The following ACOT1 variants were observed in gnomAD, a reference collection of about 807,000 sequenced individuals.
ACOT1 encodes the protein acyl-coenzyme A thioesterase 1.
ACOT1 carries 8 observed loss-of-function variants against 15.7 expected under a neutral mutation model. The ratio of observed to expected loss-of-function variants is 0.51; its 90% CI spans 0.30 to 0.92. ACOT1 has a LOEUF of 0.92. ACOT1 is among the 40% of genes least tolerant of loss of function. The pLI, the probability that ACOT1 is intolerant of heterozygous loss-of-function variation, is 0.06. For synonymous variants in ACOT1, 67 were observed against 241.2 expected (o/e 0.28, Z 6.69); for missense variants, 151 against 539.4 (o/e 0.28, Z 7.13).
chr14:73,524,310 A>AAAAAAAAAT, the ACOT1 span, among the ~76,000 whole-genome samples: 48 of 54,770 alleles, frequency 8.8e-4, 1 homozygote, highest in Non-Finnish European at 1.2e-3. Context: ...AAAAAAAAAA[A>AAAAAAAAAT]ATATATATAT....
At chr14:73,494,702 CA>C in the ACOT1 span, among the ~76,000 whole-genome samples, 1 of 152,082 alleles carries the variant, frequency 6.6e-6, no homozygotes, top group African/African-American at 2.4e-5. Flanking sequence ...CAGTGTGTGC[CA>C]CCACACCCAG....
chr14:73,492,308 T>C, the ACOT1 span: 1 of 1,614,046 alleles, frequency 6.2e-7, no homozygotes, highest in Non-Finnish European at 8.5e-7. This position sits in a 1 kb window ranked among gnomAD's most constrained non-coding sequence, Gnocchi z 4.9. Context: ...CTGGGGTGAC[T>C]TCTTAGAGGC....
the ACOT1 span, chr14:73,498,362 C>T: frequency 1.9e-6 from 3 of 1,565,400 alleles, no homozygotes; most frequent in South Asian, 1.1e-5. Context: ...GATTAGAGGG[C>T]AGCATGTCAC....
the ACOT1 span, chr14:73,496,507 A>C: frequency 1.4e-6 from 1 of 740,418 alleles, no homozygotes; most frequent in Middle Eastern, 2.4e-4. Flanking sequence ...CTATGGTGGG[A>C]AAAAGGGTAT....
the ACOT1 span, among the ~76,000 whole-genome samples, chr14:73,525,592 C>T: frequency 6.6e-6 from 1 of 152,114 alleles, no homozygotes; most frequent in Non-Finnish European, 1.5e-5. Context: ...AGCAAGACGG[C>T]CAAACAGACC....
the ACOT1 span, chr14:73,491,071 C>G: frequency 1.3e-6 from 2 of 1,595,396 alleles, no homozygotes; most frequent in African/African-American, 1.4e-5. Context: ...GGCCGAAGCG[C>G]CGGCGCAAGC....
the ACOT1 span, among the ~76,000 whole-genome samples, chr14:73,508,648 C>T: frequency 2.7e-5 from 4 of 150,252 alleles, no homozygotes; most frequent in Non-Finnish European, 5.9e-5. Context: ...ACTTGGGAAG[C>T]CGAGGCAGGA....
the ACOT1 span, chr14:73,492,181 G>A: frequency 6.2e-7 from 1 of 1,613,990 alleles, no homozygotes; most frequent in Non-Finnish European, 8.5e-7. This position sits in a 1 kb window ranked among gnomAD's most constrained non-coding sequence, Gnocchi z 4.9. Context: ...CGGTGCTGCA[G>A]ACCGTGCTGG....
the ACOT1 span, chr14:73,520,614 C>A: frequency 2.4e-6 from 1 of 414,496 alleles, no homozygotes; most frequent in Admixed American, 4.0e-5. Context: ...CCCTTCATTG[C>A]CTCTTTAGTA....
At chr14:73,521,944 G>A in the ACOT1 span, among the ~76,000 whole-genome samples, 2 of 152,214 alleles carry the variant, frequency 1.3e-5, no homozygotes, top group African/African-American at 4.8e-5. Flanking sequence ...GAATGACTTT[G>A]TTCCTCTTGG....
the ACOT1 span, chr14:73,509,548 A>G: frequency 1.0e-5 from 15 of 1,497,974 alleles, no homozygotes; most frequent in South Asian, 1.5e-4. Context: ...TCCTACAGCC[A>G]TGTGGTGGCC....
At chr14:73,529,395 T>A in the ACOT1 span, among the ~76,000 whole-genome samples, 4 of 147,826 alleles carry the variant, frequency 2.7e-5, no homozygotes, top group Non-Finnish European at 6.0e-5. Flanking sequence ...AATCCTGGCA[T>A]AACTGCAGAC....
At chr14:73,500,872 A>G in the ACOT1 span, 2 of 700,418 alleles carry the variant, frequency 2.9e-6, no homozygotes, top group Admixed American at 2.8e-5. Context: ...GATAAGTTTT[A>G]CTGGGTACAG....
chr14:73,509,669 G>A, the ACOT1 span, among the ~76,000 whole-genome samples: 3 of 151,278 alleles, frequency 2.0e-5, no homozygotes, highest in Non-Finnish European at 2.9e-5. Context: ...TCACCTGTGT[G>A]CTGGTATGCC....
At chr14:73,498,771 A>G in the ACOT1 span, among the ~76,000 whole-genome samples, 1 of 152,220 alleles carries the variant, frequency 6.6e-6, no homozygotes, top group Non-Finnish European at 1.5e-5. Context: ...TGAGATCTCC[A>G]AGGAAAGCAA....
chr14:73,491,891 G>A, the ACOT1 span: 2 of 1,611,708 alleles, frequency 1.2e-6, no homozygotes, highest in African/African-American at 2.7e-5. Flanking sequence ...CCTGTACCAG[G>A]CCGGCTGCTC....
At chr14:73,490,934 G>C in the ACOT1 span, 1 of 1,268,942 alleles carries the variant, frequency 7.9e-7, no homozygotes, top group Middle Eastern at 3.0e-4. Context: ...CCCCTTCCCA[G>C]AGTGCACCGC....
the ACOT1 span, among the ~76,000 whole-genome samples, chr14:73,524,310 A>AAAATATATATATATAT: frequency 7.3e-5 from 4 of 54,780 alleles, no homozygotes; most frequent in South Asian, 1.6e-3. Context: ...AAAAAAAAAA[A>AAAATATATATATATAT]ATATATATAT....
chr14:73,502,650 C>T, the ACOT1 span, among the ~76,000 whole-genome samples: 39 of 152,124 alleles, frequency 2.6e-4, no homozygotes, highest in African/African-American at 5.1e-4. Flanking sequence ...CAGGTTCAAG[C>T]GATTCTCCTG....
Sources: allele counts gnomAD v4.1 joint callset (sites outside exome capture counted in the v4.1 genomes callset), GRCh38; gene constraint gnomAD v4.1.1; non-coding constraint Gnocchi (gnomAD v3.1); transcripts MANE v1.5; gene names NCBI Gene and HGNC (gene_info 2026-07-23, HGNC 2026-07-21).